Variants in DOCK10 observed in about 807,000 individuals in gnomAD.
DOCK10 encodes the protein dedicator of cytokinesis protein 10.
A neutral mutation model predicts 280.1 loss-of-function variants in DOCK10; 145 were observed. The observed-to-expected ratio is 0.52, with a 90% CI of 0.45 to 0.59. DOCK10 has a LOEUF of 0.59. DOCK10 is among the 20% of genes least tolerant of loss of function. The pLI is 0.00. For missense variants in DOCK10, 2,368 were observed against 2,651.7 expected, an observed-to-expected ratio of 0.89 and a Z score of 2.35; for synonymous variants, 915 against 942.2, an observed-to-expected ratio of 0.97 and a Z score of 0.53.
At chr2:224,927,474 G>C (rs1293432049) in intron 2 of DOCK10, among the ~76,000 whole-genome samples, 1 of 152,200 alleles carries the variant, frequency 6.6e-6, no homozygotes, top group African/African-American at 2.4e-5. Flanking sequence ...ACTTCTTGGA[G>C]GGGAGGTATG....
At chr2:225,021,396 G>A (rs1228383827) in intron 1 of DOCK10, among the ~76,000 whole-genome samples, 1 of 152,170 alleles carries the variant, frequency 6.6e-6, no homozygotes, top group African/African-American at 2.4e-5. Context: ...ACCCACCCAG[G>A]AGGCCCATTT....
At chr2:224,774,805 T>G in intron 52 of DOCK10, 100 bp downstream of exon 52, 2 of 1,110,698 alleles carry the variant, frequency 1.8e-6, no homozygotes, top group Non-Finnish European at 2.6e-6. Flanking sequence ...GGTACTTCTC[T>G]GCAGGACTGA....
chr2:224,963,783 G>A (rs1018579645), intron 1 of DOCK10, among the ~76,000 whole-genome samples: 10 of 152,138 alleles, frequency 6.6e-5, no homozygotes, highest in South Asian at 2.1e-4. Context: ...TTAGTTACTC[G>A]AAGTTAAAAT....
intron 4 of DOCK10, among the ~76,000 whole-genome samples, chr2:224,890,643 G>T (rs1177841452): frequency 6.6e-6 from 1 of 152,184 alleles, no homozygotes; most frequent in Non-Finnish European, 1.5e-5. Flanking sequence ...CAACAACGTG[G>T]ATATCACTCA....
intron 22 of DOCK10, 48 bp downstream of exon 22, chr2:224,844,705 A>C (rs375402730): frequency 1.7e-6 from 2 of 1,187,356 alleles, no homozygotes; most frequent in African/African-American, 3.0e-5. Flanking sequence ...TTACCTCATG[A>C]TGCTGTGAGT....
intron 1 of DOCK10, among the ~76,000 whole-genome samples, chr2:224,968,793 A>T (rs960254970): frequency 6.6e-6 from 1 of 152,252 alleles, no homozygotes; most frequent in African/African-American, 2.4e-5. Context: ...GCTACATGGT[A>T]TGTGCACATG....
chr2:224,895,841 G>GTGTGTGTA (rs1553607593), intron 4 of DOCK10, among the ~76,000 whole-genome samples: 5 of 136,096 alleles, frequency 3.7e-5, no homozygotes, highest in African/African-American at 1.5e-4. Context: ...GCGTGTGTGT[G>GTGTGTGTA]TATATATATA....
chr2:224,970,347 G>C lies in DOCK10; in HGVS notation c.124-38679C>G, dbSNP rs1248744140. ...TAGATCATCACCAACAGCTTTGTGA[G>C]GAATCCCCACCATGCTGCAAATAAG... On this transcript the variant is annotated intron_variant, in intron 1 of 55. Transcript: ENST00000258390. The surrounding 1 kb of genome is among the most constrained non-coding windows in gnomAD (Gnocchi z 4.6). Among the ~76,000 whole-genome samples the C allele has an allele frequency of 6.6e-6, 1 of 152,088 alleles. No homozygotes were observed. Among genetic ancestry groups the C allele is most frequent in the African/African-American group, 2.4e-5 (1 of 41,392 alleles).
intron 2 of DOCK10, among the ~76,000 whole-genome samples, chr2:224,918,241 C>T (rs1228051373): frequency 6.6e-6 from 1 of 152,084 alleles, no homozygotes; most frequent in Non-Finnish European, 1.5e-5. Flanking sequence ...AGTTGGATAC[C>T]TAAATGATTC....
chr2:224,802,159 A>G, intron 39 of DOCK10, 119 bp from the exon 40 acceptor site: 1 of 976,362 alleles, frequency 1.0e-6, no homozygotes, highest in South Asian at 1.9e-5. Context: ...TTGGAAAGCA[A>G]CTTTTTATTA....
At chr2:224,955,456 A>C (rs546783180) in intron 1 of DOCK10, among the ~76,000 whole-genome samples, 1 of 152,340 alleles carries the variant, frequency 6.6e-6, no homozygotes, top group South Asian at 2.1e-4. Flanking sequence ...AGGCAACCAG[A>C]TATCTAGACC....
intron 51 of DOCK10, among the ~76,000 whole-genome samples, chr2:224,777,780 A>G (rs1690981843): frequency 1.3e-5 from 2 of 152,206 alleles, no homozygotes; most frequent in African/African-American, 2.4e-5. Flanking sequence ...GAGAACCCTG[A>G]CTAATACGCC....
intron 3 of DOCK10, among the ~76,000 whole-genome samples, chr2:224,898,459 G>A (rs16866300): frequency 0.18 from 26,794 of 152,164 alleles, 3,899 homozygotes; most frequent in African/African-American, 0.41. Flanking sequence ...AGGGAAGTCA[G>A]GGGATCTGGA....
At position 224,885,754 on chromosome 2, in the gene DOCK10, T is replaced by G. The variant is rs986021915; in HGVS notation, c.664A>C (p.Ile222Leu). 1 of 1,613,618 alleles carries G rather than the reference T, an allele frequency of 6.2e-7. No homozygotes were observed. The highest frequency in any genetic ancestry group is 8.5e-7 in the Non-Finnish European group (1 of 1,179,818). Residue 222 changes from isoleucine to leucine, a missense_variant, in exon 7 of 56, where the codon ATT (isoleucine) becomes CTT (leucine). Ile to Leu is a conservative substitution (Grantham distance 5, BLOSUM62 2). Coordinates refer to ENST00000258390, the MANE Select transcript of DOCK10 (RefSeq NM_014689.3). ...TTCTCATCTTTGTAAAAGTTCATAATGTAGGAGTTATCTGGTAACTGAGTC... is the reference window on the plus strand; with the variant it reads ...TTCTCATCTTTGTAAAAGTTCATAAGGTAGGAGTTATCTGGTAACTGAGTC... ...QLTQLPDNSY[I>L]MNFYKDEKIS...
At position 224,787,408 on chromosome 2, in the gene DOCK10, C is replaced by G; in HGVS notation, c.5419-11G>C. 2.5e-6 allele frequency: 4 copies of G among 1,613,322 alleles called. No homozygotes were observed. Among genetic ancestry groups the G allele is most frequent in the Non-Finnish European group, 3.4e-6 (4 of 1,179,734 alleles). On this transcript the variant is annotated splice_polypyrimidine_tract_variant and intron_variant, in intron 48 of 55. Transcript: ENST00000258390. The stretch of plus-strand genomic sequence containing the variant: ...CTCCACCAGGATATTCTGCAATTCC[C>G]CCAATCAAAATAAGATTTTACATGA...
chr2:224,910,894 G>T (rs1454711258), intron 3 of DOCK10, among the ~76,000 whole-genome samples: 1 of 152,012 alleles, frequency 6.6e-6, no homozygotes, highest in Non-Finnish European at 1.5e-5. Flanking sequence ...GGGAGTTTTT[G>T]CAGGGTTTTC....
intron 27 of DOCK10, among the ~76,000 whole-genome samples, chr2:224,829,274 G>A (rs1014540323): frequency 7.9e-5 from 12 of 152,160 alleles, no homozygotes; most frequent in African/African-American, 2.9e-4. Context: ...GATCCACTGG[G>A]TTCAAAGATC....
At chr2:224,904,314 CA>C (rs869085307) in intron 3 of DOCK10, among the ~76,000 whole-genome samples, 1 of 151,810 alleles carries the variant, frequency 6.6e-6, no homozygotes, top group Non-Finnish European at 1.5e-5. Flanking sequence ...CCTTATTTTT[CA>C]AAAAATAAAA....
At chr2:224,963,746 A>C (rs1704574316) in intron 1 of DOCK10, among the ~76,000 whole-genome samples, 1 of 152,258 alleles carries the variant, frequency 6.6e-6, no homozygotes, top group Non-Finnish European at 1.5e-5. Context: ...TAAGAATGAA[A>C]GAAATATAAG....
Sources: gnomAD v4.1 joint callset for allele counts (sites outside exome capture counted in the v4.1 genomes callset) on GRCh38, gnomAD v4.1.1 for gene constraint, Gnocchi (gnomAD v3.1) non-coding constraint, MANE v1.5 for transcripts, NCBI Gene and HGNC (gene_info 2026-07-23, HGNC 2026-07-21) for gene names.